Variants in GLYAT observed in about 807,000 individuals in gnomAD.
GLYAT encodes the protein glycine-N-acyltransferase, also known as glycine N-acyltransferase.
GLYAT carries 25 observed loss-of-function variants against 22.8 expected under a neutral mutation model. The ratio of observed to expected loss-of-function variants is 1.09; its 90% CI spans 0.80 to 1.53. The LOEUF is 1.53. Ranked by LOEUF, GLYAT falls within the 40% of genes most tolerant of loss-of-function variation. The pLI, the probability that GLYAT is intolerant of heterozygous loss-of-function variation, is 0.00. For synonymous variants in GLYAT, 140 were observed against 122.7 expected (o/e 1.14, Z -0.93); for missense variants, 411 against 353.9 (o/e 1.16, Z -1.29).
intron 3 of GLYAT, 48 bp downstream of exon 3, chr11:58,715,268 C>A (rs371081873): frequency 2.4e-6 from 2 of 842,822 alleles, no homozygotes; most frequent in South Asian, 1.4e-5. Context: ...ATGTAATAGG[C>A]ACACAGCTAA....
intron 2 of GLYAT, among the ~76,000 whole-genome samples, chr11:58,723,144 T>C (rs1856771810): frequency 6.6e-6 from 1 of 151,812 alleles, no homozygotes; most frequent in South Asian, 2.1e-4. Flanking sequence ...CATCACAGAG[T>C]GTTGAACAAA....
intron 3 of GLYAT, among the ~76,000 whole-genome samples, chr11:58,714,370 A>G (rs1856653403): frequency 6.6e-6 from 1 of 152,194 alleles, no homozygotes; most frequent in Non-Finnish European, 1.5e-5. Context: ...ATTAGCATTA[A>G]AAGTATATTT....
At chr11:58,721,114 C>A (rs575476652) in intron 2 of GLYAT, among the ~76,000 whole-genome samples, 4 of 151,668 alleles carry the variant, frequency 2.6e-5, no homozygotes, top group Non-Finnish European at 5.9e-5. Flanking sequence ...GGCATGCCAA[C>A]GGAAGTACAT....
At chr11:58,720,169 A>G (rs1327994702) in intron 2 of GLYAT, among the ~76,000 whole-genome samples, 1 of 151,894 alleles carries the variant, frequency 6.6e-6, no homozygotes, top group African/African-American at 2.4e-5. Flanking sequence ...TTGGAAAAAA[A>G]CTTGTTCACC....
intron 2 of GLYAT, among the ~76,000 whole-genome samples, chr11:58,716,831 T>G (rs1856687142): frequency 1.3e-5 from 2 of 152,222 alleles, no homozygotes; most frequent in East Asian, 3.9e-4. Context: ...TGGGCACAGC[T>G]TGGTTTTCTA....
At chr11:58,719,591 G>C (rs921472891) in intron 2 of GLYAT, among the ~76,000 whole-genome samples, 11 of 151,924 alleles carry the variant, frequency 7.2e-5, no homozygotes, top group African/African-American at 2.7e-4. Flanking sequence ...TGGGCCTTGA[G>C]GAGTTGAGTA....
intron 1 of GLYAT, among the ~76,000 whole-genome samples, chr11:58,728,889 A>AGAAAGAAAGAAGGAAGGAAG (rs1310407303): frequency 5.9e-5 from 6 of 101,306 alleles, no homozygotes; most frequent in African/African-American, 1.7e-4. Flanking sequence ...AAAGAAAGAA[A>AGAAAGAAAGAAGGAAGGAAG]GAAGGAAGGA....
intron 1 of GLYAT, among the ~76,000 whole-genome samples, chr11:58,731,271 G>C (rs1394262815): frequency 6.6e-6 from 1 of 152,070 alleles, no homozygotes; most frequent in Non-Finnish European, 1.5e-5. Flanking sequence ...TAATTTTTCT[G>C]GTGTCTCCAC....
At chr11:58,728,432 A>C (rs1286783183) in intron 1 of GLYAT, among the ~76,000 whole-genome samples, 2 of 152,076 alleles carry the variant, frequency 1.3e-5, no homozygotes, top group Non-Finnish European at 2.9e-5. Flanking sequence ...TATGCCCCTC[A>C]GTTGAATTCT....
rs149859938 is a variant in GLYAT, at chr11:58,724,491, C to T, written c.6G>A (p.Met2Ile). 86 of 1,596,112 alleles carry T rather than the reference C, an allele frequency of 5.4e-5. No homozygotes were observed. In the African/African-American group the frequency reaches 7.9e-4, roughly 15 times the overall value. M[M>I]LPLQGAQMLQ... ...GCATCTGGGCACCTTGCAATGGTAACATCATGGAGGATACCTTAGCCTAGA... is the reference window on the plus strand; with the variant it reads ...GCATCTGGGCACCTTGCAATGGTAATATCATGGAGGATACCTTAGCCTAGA... Residue 2 changes from methionine to isoleucine, a missense_variant, in exon 2 of 6, where the codon ATG becomes ATA. Physicochemically the swap from Met to Ile is conservative, Grantham distance 10. Coordinates refer to ENST00000344743, the MANE Select transcript of GLYAT (RefSeq NM_201648.3).
chr11:58,728,881 AGAAAGAAAGAAG>A lies in GLYAT; in HGVS notation c.-16+2942_-16+2953del, dbSNP rs1173121801. Among the ~76,000 whole-genome samples, 285 of 124,912 alleles carry A rather than the reference AGAAAGAAAGAAG, an allele frequency of 2.3e-3. 1 individual carries two copies. The highest frequency in any genetic ancestry group is 8.2e-3 in the African/African-American group (260 of 31,518). The allele number at this position is 124,912 out of a possible 152,430, so 81.9% of individuals were successfully genotyped here. ...AAGAAAGAAAGAAAGAAAGAAAGAA[AGAAAGAAAGAAG>A]GAAGGAAGGAAGGAAGGAAGGAAGG... is the stretch of plus-strand genomic sequence containing the variant. On this transcript the variant is annotated intron_variant, in intron 1 of 5. Transcript: ENST00000344743.
intron 2 of GLYAT, among the ~76,000 whole-genome samples, chr11:58,720,527 CCTAA>C (rs1856736570): frequency 6.6e-6 from 1 of 151,972 alleles, no homozygotes; most frequent in Non-Finnish European, 1.5e-5. Context: ...TGGACGTAGG[CCTAA>C]CTAACTTTGG....
Position 58,710,035 on chromosome 11 carries a change from A to T in GLYAT, c.622T>A (p.Cys208Ser). The change falls in exon 6 of 6, where the codon TGT becomes AGT. Residue 208 changes from cysteine to serine, a missense_variant. Cys to Ser is a moderately radical substitution (Grantham distance 112). Coordinates refer to ENST00000344743, the MANE Select transcript of GLYAT (RefSeq NM_201648.3). ...ERCIQTFPTCCLLGPEGTPVC... is the reference protein window; with the variant it reads ...ERCIQTFPTCSLLGPEGTPVC... ...GGGGTCCCCTCAGGCCCCAGGAGAC[A>T]GCAGGTGGGAAAGGTCTGAATGCAG... 4 of 1,614,154 alleles carry T rather than the reference A, an allele frequency of 2.5e-6. No homozygotes were observed. The highest frequency in any genetic ancestry group is 3.4e-6 in the Non-Finnish European group (4 of 1,179,992).
At chr11:58,720,197 C>T (rs1856732719) in intron 2 of GLYAT, among the ~76,000 whole-genome samples, 1 of 151,820 alleles carries the variant, frequency 6.6e-6, no homozygotes. Context: ...AAAACACACA[C>T]ACAGTTTTGT....
rs199544469 is a variant in GLYAT at position 58,713,922 on chromosome 11, G to T, written c.190-1036C>A. On this transcript the variant is annotated intron_variant, in intron 3 of 5. Coordinates refer to ENST00000344743, the MANE Select transcript of GLYAT (RefSeq NM_201648.3). Reference sequence around the variant, plus strand: ...TTTTTATTTTGATTGGCAAATAAATGATTGCATATATTTATTAACAATATG... The same window carrying T: ...TTTTTATTTTGATTGGCAAATAAATTATTGCATATATTTATTAACAATATG... Among the ~76,000 whole-genome samples, 6 of 152,078 alleles carry T rather than the reference G, an allele frequency of 3.9e-5. No individual in the cohort carries two copies. The East Asian group carries it at 1.2e-3, about 29-fold the overall frequency.
chr11:58,711,304 A>G (rs1856614038), intron 4 of GLYAT, among the ~76,000 whole-genome samples: 1 of 152,192 alleles, frequency 6.6e-6, no homozygotes, highest in Non-Finnish European at 1.5e-5. Flanking sequence ...AGCCAATGGA[A>G]ACCAGACACA....
At chr11:58,727,233 C>A (rs1422704133) in intron 1 of GLYAT, among the ~76,000 whole-genome samples, 2 of 152,042 alleles carry the variant, frequency 1.3e-5, no homozygotes, top group Non-Finnish European at 1.5e-5. Flanking sequence ...GATAAAAACA[C>A]CTATAAATTT....
Position 58,712,769 on chromosome 11 carries a change from G to A in GLYAT, c.307C>T (p.Gln103Ter). ...CATTCCTCTTACTTACTTTGAATCT[G>A]TAAATGCTGTTTCCAGTTGATGAGT... is the stretch of plus-strand genomic sequence containing the variant. The part of the protein sequence containing the change: ...PELINWKQHL[Q>*]IQSSQPSLNE... Residue 103 changes from glutamine to a stop codon, truncating the protein, a stop_gained, in exon 4 of 6, where the codon CAG (glutamine) becomes TAG (stop). Coordinates refer to ENST00000344743, the MANE Select transcript of GLYAT (RefSeq NM_201648.3). LOFTEE classifies it high-confidence loss of function. 6.2e-7 allele frequency: 1 copy of A among 1,612,960 alleles called. No homozygotes were observed. The highest frequency in any genetic ancestry group is 8.5e-7 in the Non-Finnish European group (1 of 1,179,136).
chr11:58,712,638 C>A, intron 4 of GLYAT, 122 bp downstream of exon 4: 1 of 852,216 alleles, frequency 1.2e-6, no homozygotes, highest in Non-Finnish European at 1.9e-6. Flanking sequence ...ATAGTTACCA[C>A]ACAGTAACAA....
Sources: gnomAD v4.1 joint callset for allele counts (sites outside exome capture counted in the v4.1 genomes callset) on GRCh38, gnomAD v4.1.1 for gene constraint, MANE v1.5 for transcripts, NCBI Gene and HGNC (gene_info 2026-07-23, HGNC 2026-07-21) for gene names.